Variants in ANGPT1 observed in about 807,000 individuals in gnomAD.
The protein encoded by ANGPT1 is angiopoietin 1.
ANGPT1 carries 17 observed loss-of-function variants against 62.2 expected under a neutral mutation model. The observed-to-expected ratio is 0.27, with a 90% CI of 0.19 to 0.41. ANGPT1 has a LOEUF of 0.41. Among genes scored for constraint, ANGPT1 ranks in the 10% least tolerant of loss-of-function variants. The pLI, the probability that ANGPT1 is intolerant of heterozygous loss-of-function variation, is 1.00. For missense variants in ANGPT1, 478 were observed against 594.9 expected, an observed-to-expected ratio of 0.80 and a Z score of 2.04; for synonymous variants, 199 against 198.9, an observed-to-expected ratio of 1.00 and a Z score of 0.00.
intron 1 of ANGPT1, among the ~76,000 whole-genome samples, chr8:107,479,723 T>C (rs1433170): frequency 0.68 from 103,161 of 151,994 alleles, 35,177 homozygotes; most frequent in East Asian, 0.79. Flanking sequence ...GAGATTTTTA[T>C]GATTTTTAAT....
At chr8:107,397,620 T>C (rs1272046927) in intron 1 of ANGPT1, among the ~76,000 whole-genome samples, 1 of 152,158 alleles carries the variant, frequency 6.6e-6, no homozygotes, top group Non-Finnish European at 1.5e-5. Flanking sequence ...AGCTCTGCTT[T>C]CTTCTAACCT....
intron 8 of ANGPT1, among the ~76,000 whole-genome samples, chr8:107,263,577 C>A (rs1301816788): frequency 6.6e-6 from 1 of 151,872 alleles, no homozygotes; most frequent in Non-Finnish European, 1.5e-5. Context: ...AGAAGTATTA[C>A]AGAAATGAGA....
rs140945926 is a variant in ANGPT1, at chr8:107,269,313, T to TA, written c.1206-4963dup. The stretch of plus-strand genomic sequence containing the variant: ...TGCCAAGTATTTCTGTAATTAGATT[T>TA]AAAAAAAAAAAACTTCTTTGAGTTG... On this transcript the variant is annotated intron_variant, in intron 7 of 8. Transcript: ENST00000517746. 3.5e-3 allele frequency among the ~76,000 whole-genome samples: 504 copies of TA among 145,234 alleles called. 3 individuals are homozygous for TA. Among genetic ancestry groups the TA allele is most frequent in the African/African-American group, 0.01 (401 of 39,910 alleles).
At chr8:107,304,018 C>T (rs889969660) in intron 4 of ANGPT1, among the ~76,000 whole-genome samples, 6 of 151,726 alleles carry the variant, frequency 4.0e-5, no homozygotes, top group African/African-American at 1.5e-4. Context: ...AAAATGAAAC[C>T]AAACTTTACT....
At chr8:107,385,857 C>G (rs979999671) in intron 1 of ANGPT1, among the ~76,000 whole-genome samples, 1 of 151,986 alleles carries the variant, frequency 6.6e-6, no homozygotes, top group Non-Finnish European at 1.5e-5. Context: ...TGTATTGTAT[C>G]AAAAGCCTTT....
chr8:107,268,020 T>A (rs1382979230), intron 7 of ANGPT1, among the ~76,000 whole-genome samples: 2 of 152,126 alleles, frequency 1.3e-5, no homozygotes, highest in African/African-American at 2.4e-5. Context: ...ATCTTCATGA[T>A]GACACTTACT....
At chr8:107,361,437 T>C (rs988233106) in intron 1 of ANGPT1, among the ~76,000 whole-genome samples, 2 of 148,564 alleles carry the variant, frequency 1.3e-5, no homozygotes, top group South Asian at 2.1e-4. Flanking sequence ...GGAATATATA[T>C]AGAATATATA....
chr8:107,259,666 G>T (rs1157786085), intron 8 of ANGPT1, among the ~76,000 whole-genome samples: 12 of 152,022 alleles, frequency 7.9e-5, no homozygotes. Flanking sequence ...TAACATATTT[G>T]TTTTTGTTGT....
intron 4 of ANGPT1, among the ~76,000 whole-genome samples, chr8:107,304,131 A>G (rs567565297): frequency 2.0e-5 from 3 of 151,884 alleles, no homozygotes; most frequent in Non-Finnish European, 2.9e-5. Context: ...CAGGTGAAAG[A>G]GTCACAGTAA....
chr8:107,341,454 A>G (rs1323512343), intron 2 of ANGPT1, among the ~76,000 whole-genome samples: 1 of 151,862 alleles, frequency 6.6e-6, no homozygotes. Flanking sequence ...CAAAACTCCT[A>G]TAAAAGTTTT....
chr8:107,487,074 C>A (rs1253051568), intron 1 of ANGPT1, among the ~76,000 whole-genome samples: 1 of 152,116 alleles, frequency 6.6e-6, no homozygotes, highest in Non-Finnish European at 1.5e-5. Context: ...GTCCTCCTGA[C>A]ACTGCTATAG....
intron 5 of ANGPT1, among the ~76,000 whole-genome samples, chr8:107,300,994 G>A (rs1365676473): frequency 6.6e-6 from 1 of 151,218 alleles, no homozygotes; most frequent in African/African-American, 2.4e-5. Context: ...ATTACCAGGC[G>A]CAGTGGTTCT....
At chr8:107,458,842 C>G (rs554762776) in intron 1 of ANGPT1, among the ~76,000 whole-genome samples, 2 of 152,172 alleles carry the variant, frequency 1.3e-5, no homozygotes, top group South Asian at 4.1e-4. Flanking sequence ...TTCAATAACC[C>G]TATCAAATAA....
At chr8:107,370,957 A>G (rs991842181) in intron 1 of ANGPT1, among the ~76,000 whole-genome samples, 1 of 108,886 alleles carries the variant, frequency 9.2e-6, no homozygotes, top group African/African-American at 3.0e-5. Flanking sequence ...GTTGCCACAA[A>G]CCTTTGATTT....
chr8:107,413,999 T>C (rs1810661879), intron 1 of ANGPT1, among the ~76,000 whole-genome samples: 1 of 152,208 alleles, frequency 6.6e-6, no homozygotes, highest in Admixed American at 6.5e-5. Flanking sequence ...GTGAAATAAA[T>C]TCAGGAAAAA....
At chr8:107,342,308 A>G (rs1048445718) in intron 2 of ANGPT1, among the ~76,000 whole-genome samples, 10 of 152,204 alleles carry the variant, frequency 6.6e-5, no homozygotes, top group Admixed American at 3.3e-4. Flanking sequence ...ACAAGTATTT[A>G]TTGAGAGCCT....
At chr8:107,316,709 G>C (rs1815022802) in intron 4 of ANGPT1, among the ~76,000 whole-genome samples, 1 of 152,090 alleles carries the variant, frequency 6.6e-6, no homozygotes, top group Non-Finnish European at 1.5e-5. Context: ...CTCCCTCAGA[G>C]ATCCTCTCTC....
chr8:107,326,409 G>A (rs1328136424), intron 3 of ANGPT1, among the ~76,000 whole-genome samples: 1 of 151,998 alleles, frequency 6.6e-6, no homozygotes, highest in African/African-American at 2.4e-5. Context: ...TATTTATTAG[G>A]GACATTTTTC....
At chr8:107,252,397 A>G (rs1813266101) in intron 8 of ANGPT1, among the ~76,000 whole-genome samples, 1 of 152,226 alleles carries the variant, frequency 6.6e-6, no homozygotes, top group East Asian at 1.9e-4. Flanking sequence ...ATTCCATCTT[A>G]AGACTGTTAT....
Sources: gnomAD v4.1 joint callset for allele counts (sites outside exome capture counted in the v4.1 genomes callset) on GRCh38, gnomAD v4.1.1 for gene constraint, MANE v1.5 for transcripts, NCBI Gene and HGNC (gene_info 2026-07-23, HGNC 2026-07-21) for gene names.